Variants in GAPVD1 observed in about 807,000 individuals in gnomAD.
The protein encoded by GAPVD1 is GTPase activating protein and VPS9 domains 1.
Under a neutral mutation model 155.5 loss-of-function variants are expected in GAPVD1, and 35 were observed. The observed-to-expected ratio is 0.23, with a 90% CI of 0.17 to 0.30. The LOEUF (loss-of-function observed/expected upper bound fraction) is 0.30. Among genes scored for constraint, GAPVD1 ranks in the 10% least tolerant of loss-of-function variants. GAPVD1 has a pLI of 1.00. For missense variants in GAPVD1, 1,429 were observed against 1,775.7 expected (o/e 0.80, Z 3.51); for synonymous variants, 636 against 619.7 (o/e 1.03, Z -0.39).
At chr9:125,336,305 A>C (rs10986710) in intron 15 of GAPVD1, among the ~76,000 whole-genome samples, 11 of 147,292 alleles carry the variant, frequency 7.5e-5, no homozygotes, top group East Asian at 6.1e-4. Context: ...AAAAAAAAAA[A>C]CAAAAAACAA....
Position 125,323,856 on chromosome 9 carries a change from A to C in GAPVD1, c.1791A>C (p.Ser597=), listed in dbSNP as rs567468837. The C allele has an allele frequency of 6.2e-7, 1 of 1,613,342 alleles. No homozygotes were observed. The highest frequency in any genetic ancestry group is 2.2e-5 in the East Asian group (1 of 44,858). Residue 597 remains serine (S), a synonymous_variant, in exon 11 of 28, where the codon TCA becomes TCC. Transcript: ENST00000297933. Reference sequence around the variant, plus strand: ...TAGACCTAGAAGGAGAGTCTGTGTCAGAACTTGGAGCAGGACCTTCTGGCA... The same window carrying C: ...TAGACCTAGAAGGAGAGTCTGTGTCCGAACTTGGAGCAGGACCTTCTGGCA... The part of the protein sequence containing the change: ...SSLDLEGESV[S]ELGAGPSGSN...
Position 125,302,004 on chromosome 9 carries a change from A to G in GAPVD1, c.207A>G (p.Glu69=), listed in dbSNP as rs1197145557. Residue 69 remains glutamate (E), a synonymous_variant, in exon 5 of 28, where the codon GAA becomes GAG. Coordinates refer to ENST00000297933, the MANE Select transcript of GAPVD1 (RefSeq NM_001282680.3). ...IITSAEASPA[E]CCQHAKILED... ...TTAGTGCTGAAGCTTCCCCTGCTGA[A>G]TGTTGCCAACATGCCAAAATTTTGG... The G allele has an allele frequency of 2.5e-6, 4 of 1,582,242 alleles. No homozygotes were observed. The African/African-American group carries it at 4.2e-5, about 16-fold the overall frequency.
At chr9:125,324,341 A>T (rs904374061) in intron 11 of GAPVD1, among the ~76,000 whole-genome samples, 3 of 152,192 alleles carry the variant, frequency 2.0e-5, no homozygotes, top group African/African-American at 7.2e-5. Flanking sequence ...CTGTAATCCC[A>T]GCACTTTGGG....
rs1475102621 is a variant in GAPVD1 at position 125,360,594 on chromosome 9, A to C, written c.4111A>C (p.Thr1371Pro). 1 of 1,613,176 alleles carries C rather than the reference A, an allele frequency of 6.2e-7. No individual in the cohort carries two copies. The highest frequency in any genetic ancestry group is 8.5e-7 in the Non-Finnish European group (1 of 1,179,734). ...SEIRTISAYK[T>P]PRDKVQCILR... ...AATCAGGACAATAAGTGCTTATAAAACCCCCCGGGACAAAGTGCAGTGCAT... is the reference window on the plus strand; with the variant it reads ...AATCAGGACAATAAGTGCTTATAAACCCCCCCGGGACAAAGTGCAGTGCAT... Residue 1371 changes from threonine to proline, a missense_variant, in exon 27 of 28, where the codon ACC becomes CCC. By Grantham distance (38) the Thr-to-Pro change is conservative. Around this residue, in one of 4 missense-constraint regions of GAPVD1, gnomAD observed 102 missense variants for 196.5 expected, o/e 0.52. Coordinates refer to ENST00000297933, the MANE Select transcript of GAPVD1 (RefSeq NM_001282680.3).
chr9:125,301,826 A>G (rs957720925), intron 4 of GAPVD1, among the ~76,000 whole-genome samples, 157 bp from the exon 5 acceptor site: 1 of 152,124 alleles, frequency 6.6e-6, no homozygotes, highest in Non-Finnish European at 1.5e-5. Flanking sequence ...TCCTTTACTC[A>G]TTGAGTTGCT....
chr9:125,305,371 GTTTTT>G (rs34474690), intron 6 of GAPVD1, among the ~76,000 whole-genome samples: 1,307 of 111,604 alleles, frequency 0.012, 21 homozygotes, highest in African/African-American at 0.046. Flanking sequence ...ATTTTAAAAA[GTTTTT>G]TTTTTTTTTT....
At chr9:125,322,300 G>A (rs1248027137) in intron 10 of GAPVD1, among the ~76,000 whole-genome samples, 6 of 152,026 alleles carry the variant, frequency 3.9e-5, no homozygotes, top group Non-Finnish European at 7.4e-5. Context: ...TCCTGACCTC[G>A]TGATCCGCCC....
chr9:125,353,420 T>A (rs946811522), intron 23 of GAPVD1, among the ~76,000 whole-genome samples: 1 of 152,218 alleles, frequency 6.6e-6, no homozygotes, highest in Admixed American at 6.5e-5. Context: ...CACATTTTCC[T>A]GTCTTCTTCT....
chr9:125,299,269 A>C (rs952230182), intron 4 of GAPVD1, among the ~76,000 whole-genome samples, 163 bp downstream of exon 4: 2 of 152,242 alleles, frequency 1.3e-5, no homozygotes, highest in Non-Finnish European at 2.9e-5. Context: ...GTTTATTTGG[A>C]TTATTAAGTA....
chr9:125,279,527 T>A (rs77420884), intron 2 of GAPVD1, among the ~76,000 whole-genome samples: 1 of 143,950 alleles, frequency 6.9e-6, no homozygotes, highest in African/African-American at 2.6e-5. Flanking sequence ...GCCGAGATCG[T>A]GCCATTGTAC....
rs1165968500 is a variant in GAPVD1 at position 125,365,923 on chromosome 9, GC to G, written c.*3179del. On this transcript the variant is annotated 3_prime_UTR_variant, in exon 28 of 28. Coordinates refer to ENST00000297933, the MANE Select transcript of GAPVD1 (RefSeq NM_001282680.3). ...CAAAGTGCTGGGATTATAGGCGTGA[GC>G]CACCGTGCCCAACCACAAAATTATA... 6.6e-6 allele frequency: 1 copy of G among 152,258 alleles called. No homozygotes were observed. The allele number at this position is 152,258 out of a possible 1,614,324, so 9.4% of individuals were successfully genotyped here.
intron 2 of GAPVD1, among the ~76,000 whole-genome samples, chr9:125,279,303 G>A (rs1183315190): frequency 6.6e-6 from 1 of 151,768 alleles, no homozygotes; most frequent in East Asian, 1.9e-4. Flanking sequence ...GGCCGCAATG[G>A]CTCACGCCTG....
chr9:125,307,981 A>G (rs1251075224), intron 8 of GAPVD1, 101 bp downstream of exon 8: 1 of 815,396 alleles, frequency 1.2e-6, no homozygotes, highest in South Asian at 1.5e-5. Flanking sequence ...AGTACTTGGG[A>G]AAGTCTTTCT....
In GAPVD1 at chr9:125,321,526, T is replaced by G; in HGVS notation, c.1696T>G (p.Ser566Ala). The G allele has an allele frequency of 6.2e-7, 1 of 1,613,768 alleles. No homozygotes were observed. The highest frequency in any genetic ancestry group is 8.5e-7 in the Non-Finnish European group (1 of 1,179,736). Residue 566 changes from serine to alanine, a missense_variant, in exon 10 of 28, where the codon TCC becomes GCC. Ser to Ala is a moderately conservative substitution (Grantham distance 99). Transcript: ENST00000297933. ...HGKPDKTLRF[S>A]LCSDNLEGIS... ...TAAACCTGATAAAACCTTGCGCTTT[T>G]CCCTCTGCAGTGATAATCTGGAAGG...
chr9:125,270,897 C>A (rs973327620), intron 2 of GAPVD1, among the ~76,000 whole-genome samples: 15 of 151,890 alleles, frequency 9.9e-5, no homozygotes, highest in African/African-American at 3.6e-4. Context: ...TGCGATGAGC[C>A]GAGATCGTGC....
At chr9:125,284,353 T>C (rs1837290581) in intron 2 of GAPVD1, among the ~76,000 whole-genome samples, 1 of 151,512 alleles carries the variant, frequency 6.6e-6, no homozygotes, top group African/African-American at 2.4e-5. Context: ...TAATTTTTTG[T>C]ATTTTTAGTA....
chr9:125,358,812 C>G (rs1422680486), intron 25 of GAPVD1, among the ~76,000 whole-genome samples: 1 of 152,148 alleles, frequency 6.6e-6, no homozygotes, highest in Admixed American at 6.5e-5. Context: ...CAAACAGCAA[C>G]TTTGAAGGAG....
intron 19 of GAPVD1, among the ~76,000 whole-genome samples, chr9:125,345,619 A>G (rs568593078): frequency 1.4e-4 from 22 of 152,346 alleles, no homozygotes; most frequent in African/African-American, 5.1e-4. Flanking sequence ...TGTTTGTTTC[A>G]TGAGAACAAA....
intron 19 of GAPVD1, chr9:125,346,366 A>G: frequency 4.9e-6 from 1 of 205,774 alleles, no homozygotes; most frequent in Non-Finnish European, 9.9e-6. Flanking sequence ...GGAAGAATGG[A>G]AAAAGACATT....
Sources: gnomAD v4.1 joint callset for allele counts (sites outside exome capture counted in the v4.1 genomes callset) on GRCh38, gnomAD v4.1.1 for gene constraint, gnomAD v4.1.1 regional missense constraint, MANE v1.5 for transcripts, NCBI Gene and HGNC (gene_info 2026-07-23, HGNC 2026-07-21) for gene names.